Variants in PNPLA7 observed in about 807,000 individuals in gnomAD.
PNPLA7 encodes patatin like domain 7, lysophospholipase.
A neutral mutation model predicts 161.7 loss-of-function variants in PNPLA7; 153 were observed. The observed-to-expected ratio is 0.95, with a 90% CI of 0.83 to 1.08. PNPLA7 has a LOEUF of 1.08. Ranked by LOEUF, PNPLA7 falls within the 50% of genes least tolerant of loss-of-function variation. The probability of loss-of-function intolerance (pLI) is 0.00; values close to 1 mark genes in which losing one functional copy is unlikely to be tolerated. For synonymous variants in PNPLA7, 809 were observed against 782.1 expected (o/e 1.03, Z -0.57); for missense variants, 1,739 against 1,856.6 (o/e 0.94, Z 1.16).
At chr9:137,489,239 G>A (rs984118956) in intron 20 of PNPLA7, among the ~76,000 whole-genome samples, 15 of 152,252 alleles carry the variant, frequency 9.9e-5, no homozygotes, top group African/African-American at 3.4e-4. Flanking sequence ...TGAAGATGGC[G>A]CAGAATGCAG....
intron 9 of PNPLA7, among the ~76,000 whole-genome samples, chr9:137,522,219 C>T (rs967379254): frequency 1.4e-4 from 21 of 152,342 alleles, no homozygotes; most frequent in South Asian, 4.1e-4. Context: ...GGACTACAGG[C>T]GCCCGCCACC....
rs539605748 is a variant in PNPLA7 at position 137,492,206 on chromosome 9, T to C, written c.2197+807A>G. On this transcript the variant is annotated intron_variant, in intron 20 of 34. Transcript: ENST00000406427. The stretch of plus-strand genomic sequence containing the variant: ...ATGAATATGCTGGAGCAGGGAAAAC[T>C]AAATTCCCCACACTCTAGAATGGTC... 62 of 985,172 alleles carry C rather than the reference T, an allele frequency of 6.3e-5. No homozygotes were observed. In the Middle Eastern group the frequency reaches 1.6e-3, roughly 25 times the overall value. The allele number at this position is 985,172 out of a possible 1,614,324, so 61.0% of individuals were successfully genotyped here.
chr9:137,509,954 A>G (rs542464962), intron 12 of PNPLA7: 14 of 332,902 alleles, frequency 4.2e-5, no homozygotes, highest in Non-Finnish European at 7.2e-5. Context: ...CTCGCTCTAC[A>G]ATCATAACCT....
chr9:137,546,644 C>T (rs932177710), intron 4 of PNPLA7, among the ~76,000 whole-genome samples, 186 bp downstream of exon 4: 1 of 152,158 alleles, frequency 6.6e-6, no homozygotes, highest in Admixed American at 6.5e-5. Flanking sequence ...AGGAAGCAGA[C>T]ACCATTCGGC....
At position 137,498,132 on chromosome 9, in the gene PNPLA7, G is replaced by T; in HGVS notation, c.1871C>A (p.Ala624Asp). 6.2e-7 allele frequency: 1 copy of T among 1,613,008 alleles called. No individual in the cohort carries two copies. Among genetic ancestry groups the T allele is most frequent in the African/African-American group, 1.3e-5 (1 of 75,058 alleles). The change falls in exon 17 of 35, where the codon GCC (alanine) becomes GAC (aspartate). Residue 624 changes from alanine to aspartate, a missense_variant. This residue lies in a region of PNPLA7 where 481 missense variants were observed against 450.0 expected (regional missense o/e 1.07). Transcript: ENST00000406427. ...DFALDWVEVE[A>D]GRAIYRQGDK... ...GCCTCACCTGTATATTGCTCGCCCG[G>T]CCTCCACCTCCACCCAGTCCAGGGC... is the stretch of plus-strand genomic sequence containing the variant.
chr9:137,461,560 G>A lies in PNPLA7; in HGVS notation c.3817C>T (p.Pro1273Ser), dbSNP rs138287814. 2,072 of 1,612,608 alleles carry A rather than the reference G, an allele frequency of 1.3e-3. 22 individuals carry two copies. In the African/African-American group the frequency reaches 0.025, roughly 20 times the overall value. Residue 1273 changes from proline (P) to serine (S), a missense_variant, in exon 33 of 35, where the codon CCC (proline) becomes TCC (serine). Transcript: ENST00000406427. Reference sequence around the variant, plus strand: ...CCATCCACCATGGCGGGCTTGGCGGGCTCAATGCGAGACACAATTTCGGCA... The same window carrying A: ...CCATCCACCATGGCGGGCTTGGCGGACTCAATGCGAGACACAATTTCGGCA... ...DLAEIVSRIE[P>S]AKPAMVDDES...
At position 137,529,727 on chromosome 9, in the gene PNPLA7, G is replaced by A. The variant is rs189808296; in HGVS notation, c.748-6870C>T. On this transcript the variant is annotated intron_variant, in intron 8 of 34. Transcript: ENST00000406427. ...GGCTGGAGTGTAGTGGCACGATCTC[G>A]GCTCACTGCAACCTCCGCCTCCTGG... 4.0e-4 allele frequency among the ~76,000 whole-genome samples: 59 copies of A among 147,702 alleles called. No homozygotes were observed. In the East Asian group the frequency reaches 6.9e-3, roughly 17 times the overall value.
chr9:137,522,109 A>G (rs188008179), intron 9 of PNPLA7, among the ~76,000 whole-genome samples: 2 of 152,220 alleles, frequency 1.3e-5, no homozygotes, highest in Admixed American at 6.5e-5. Flanking sequence ...GTGTCTCGCT[A>G]TGCCGCCCAG....
At chr9:137,519,780 G>A (rs1042954009) in intron 11 of PNPLA7, 137 bp downstream of exon 11, 4 of 1,167,396 alleles carry the variant, frequency 3.4e-6, no homozygotes, top group African/African-American at 3.1e-5. Flanking sequence ...GGGTGACCTG[G>A]GCCGTGTGAG....
At chr9:137,545,689 A>G (rs571885155) in intron 4 of PNPLA7, among the ~76,000 whole-genome samples, 1 of 152,358 alleles carries the variant, frequency 6.6e-6, no homozygotes, top group South Asian at 2.1e-4. Flanking sequence ...TCCTCACTCT[A>G]TAATCATAGC....
chr9:137,460,131 G>T lies in PNPLA7; in HGVS notation c.*262C>A. ...TCACAGGGCTTCGGGGGGCCTCACA[G>T]GGCTGCAGGGGGTTCACAGAGCTTC... On this transcript the variant is annotated 3_prime_UTR_variant, in exon 35 of 35. Transcript: ENST00000406427. 1 of 398,398 alleles carries T rather than the reference G, an allele frequency of 2.5e-6. No individual in the cohort carries two copies. Among genetic ancestry groups the T allele is most frequent in the Admixed American group, 3.7e-5 (1 of 26,928 alleles). 24.7% of individuals were successfully genotyped at this position (398,398 alleles called of 1,614,324 possible).
At chr9:137,488,043 GCAAA>G (rs1309638389) in intron 20 of PNPLA7, among the ~76,000 whole-genome samples, 1 of 152,262 alleles carries the variant, frequency 6.6e-6, no homozygotes, top group Non-Finnish European at 1.5e-5. Context: ...CTCCCAGATA[GCAAA>G]CAAACAATGC....
intron 8 of PNPLA7, among the ~76,000 whole-genome samples, chr9:137,525,385 G>A (rs1835247878): frequency 6.6e-6 from 1 of 152,246 alleles, no homozygotes; most frequent in Non-Finnish European, 1.5e-5. Flanking sequence ...ATGGAGACCG[G>A]TAGTGGCCCC....
chr9:137,461,509 A>G, intron 33 of PNPLA7, 27 bp downstream of exon 33: 1 of 1,598,902 alleles, frequency 6.3e-7, no homozygotes, highest in Admixed American at 1.7e-5. Flanking sequence ...GCACGTCTCC[A>G]CGGCTTCGTC....
rs1564314106 is a variant in PNPLA7 at position 137,498,183 on chromosome 9, G to GAC, written c.1818_1819dup (p.Ser607CysfsTer44). 1.2e-6 allele frequency: 2 copies of GAC among 1,612,874 alleles called. No homozygotes were observed. The highest frequency in any genetic ancestry group is 4.5e-5 in the East Asian group (2 of 44,888). Reference sequence around the variant, plus strand: ...AAAGTCGATTTGCCGCACGAAGGACGACATCCTCTTCACCACAGTGTGCGC... The same window carrying GAC: ...AAAGTCGATTTGCCGCACGAAGGACGACACATCCTCTTCACCACAGTGTGCGC... On this transcript the variant is annotated frameshift_variant, in exon 17 of 35. Coordinates refer to ENST00000406427, the MANE Select transcript of PNPLA7 (RefSeq NM_001098537.3). LOFTEE classifies it high-confidence loss of function.
Position 137,546,812 on chromosome 9 carries a change from GC to G in PNPLA7, c.273+17del, listed in dbSNP as rs1195908848. On this transcript the variant is annotated intron_variant, in intron 4 of 34. Coordinates refer to ENST00000406427, the MANE Select transcript of PNPLA7 (RefSeq NM_001098537.3). ...TCGAGGAAGCCGTGTGCAGCCTGGG[GC>G]CCCGAGCAACAGCTACCTTCCTCAT... 1 of 1,613,046 alleles carries G rather than the reference GC, an allele frequency of 6.2e-7. No homozygotes were observed. The highest frequency in any genetic ancestry group is 8.5e-7 in the Non-Finnish European group (1 of 1,179,706).
chr9:137,542,860 A>C (rs1451887076), intron 6 of PNPLA7, 59 bp from the exon 7 acceptor site: 1 of 1,557,418 alleles, frequency 6.4e-7, no homozygotes, highest in African/African-American at 1.4e-5. Context: ...CGGCCTCTCC[A>C]AGAGTCTCGA....
At position 137,486,012 on chromosome 9, in the gene PNPLA7, G is replaced by A. The variant is rs943715830; in HGVS notation, c.2198-1276C>T. 2.0e-5 allele frequency among the ~76,000 whole-genome samples: 3 copies of A among 151,852 alleles called. No individual in the cohort carries two copies. The highest frequency in any genetic ancestry group is 7.3e-5 in the African/African-American group (3 of 41,310). On this transcript the variant is annotated intron_variant, in intron 20 of 34. Transcript: ENST00000406427. The surrounding 1 kb of genome is among the most constrained non-coding windows in gnomAD (Gnocchi z 6.0). ...CTGAGGCCACCGCGCCACCAGCCAC[G>A]CTCCTGCCCACGAGGGTCTCCTGCA...
intron 8 of PNPLA7, among the ~76,000 whole-genome samples, chr9:137,529,656 GTTTTTTTTT>G (rs542511786): frequency 2.5e-5 from 3 of 119,134 alleles, no homozygotes; most frequent in African/African-American, 9.8e-5. Flanking sequence ...TTGAATCTTT[GTTTTTTTTT>G]TTTTTTTTTT....
Sources: gnomAD v4.1 joint callset for allele counts (sites outside exome capture counted in the v4.1 genomes callset) on GRCh38, gnomAD v4.1.1 for gene constraint, gnomAD v4.1.1 regional missense constraint, Gnocchi (gnomAD v3.1) non-coding constraint, MANE v1.5 for transcripts, NCBI Gene and HGNC (gene_info 2026-07-23, HGNC 2026-07-21) for gene names.